Variants in RPRD2 observed in about 807,000 individuals in gnomAD.
RPRD2 encodes regulation of nuclear pre-mRNA domain containing 2.
In RPRD2, 12 loss-of-function variants were observed where a neutral mutation model predicts 104.4. The ratio of observed to expected loss-of-function variants is 0.11; its 90% CI spans 0.07 to 0.19. The LOEUF (loss-of-function observed/expected upper bound fraction) is 0.19. Ranked by LOEUF, RPRD2 falls within the 10% of genes least tolerant of loss-of-function variation. The pLI, the probability that RPRD2 is intolerant of heterozygous loss-of-function variation, is 1.00. For synonymous variants in RPRD2, 714 were observed against 684.9 expected (o/e 1.04, Z -0.66); for missense variants, 1,543 against 1,790.1 (o/e 0.86, Z 2.49).
In RPRD2 at chr1:150,460,095, G is replaced by A. The variant is rs1553898455; in HGVS notation, c.1189G>A (p.Ala397Thr). Reference sequence around the variant, plus strand: ...GAAGGAAAAACCTGCAGAGAAGTCAGCTGTATCCACTTCTGTACCTACAAA... The same window carrying A: ...GAAGGAAAAACCTGCAGAGAAGTCAACTGTATCCACTTCTGTACCTACAAA... Reference protein sequence around the residue: ...DRKEKPAEKSAVSTSVPTKPT... With the variant: ...DRKEKPAEKSTVSTSVPTKPT... The change falls in exon 9 of 11, where the codon GCT (alanine) becomes ACT (threonine). Residue 397 changes from alanine (A) to threonine (T), a missense_variant. Physicochemically the swap from Ala to Thr is moderately conservative, Grantham distance 58. This residue lies in a region of RPRD2 where 572 missense variants were observed against 787.3 expected (regional missense o/e 0.73). Coordinates refer to ENST00000369068, the MANE Select transcript of RPRD2 (RefSeq NM_015203.5). The A allele has an allele frequency of 5.6e-6, 9 of 1,613,798 alleles. No homozygotes were observed. Among genetic ancestry groups the A allele is most frequent in the East Asian group, 4.5e-5 (2 of 44,892 alleles).
At chr1:150,423,659 A>G (rs1553890094) in intron 2 of RPRD2, among the ~76,000 whole-genome samples, 1 of 152,164 alleles carries the variant, frequency 6.6e-6, no homozygotes, top group Non-Finnish European at 1.5e-5. Context: ...GAAATGCAAA[A>G]TGCTCCAAAA....
At chr1:150,387,786 C>T (rs1661701989) in intron 1 of RPRD2, among the ~76,000 whole-genome samples, 1 of 150,722 alleles carries the variant, frequency 6.6e-6, no homozygotes, top group African/African-American at 2.4e-5. Flanking sequence ...GACAGAGATT[C>T]ACCATGTTGG....
intron 10 of RPRD2, among the ~76,000 whole-genome samples, chr1:150,466,485 G>A (rs1269729843): frequency 6.7e-6 from 1 of 150,014 alleles, no homozygotes; most frequent in Non-Finnish European, 1.5e-5. Flanking sequence ...GGAGTTCAAG[G>A]CTGCAGTACG....
chr1:150,386,123 T>TTTTA (rs1479572757), intron 1 of RPRD2, among the ~76,000 whole-genome samples: 1 of 152,284 alleles, frequency 6.6e-6, no homozygotes, highest in South Asian at 2.1e-4. Flanking sequence ...TCTTACCTAT[T>TTTTA]TTTATTTATT....
At chr1:150,373,001 G>A (rs1660429725) in intron 1 of RPRD2, among the ~76,000 whole-genome samples, 2 of 151,816 alleles carry the variant, frequency 1.3e-5, no homozygotes, top group Admixed American at 1.3e-4. Flanking sequence ...TAAGCAAAAG[G>A]AGATGAACTC....
intron 1 of RPRD2, among the ~76,000 whole-genome samples, chr1:150,391,448 T>C (rs919471733): frequency 1.3e-5 from 2 of 152,100 alleles, no homozygotes; most frequent in Admixed American, 1.3e-4. Context: ...GCCACCACAC[T>C]GGCCCATTAA....
intron 1 of RPRD2, among the ~76,000 whole-genome samples, chr1:150,369,749 G>A (rs1660157894): frequency 6.8e-6 from 1 of 146,616 alleles, no homozygotes; most frequent in African/African-American, 2.5e-5. Context: ...GAGCCACTGT[G>A]CCCGGCCTAC....
intron 7 of RPRD2, among the ~76,000 whole-genome samples, chr1:150,450,498 C>A (rs906680899): frequency 2.7e-5 from 4 of 149,512 alleles, no homozygotes; most frequent in African/African-American, 9.8e-5. Flanking sequence ...TCCCACTACT[C>A]CGCAGGCTGA....
At chr1:150,425,608 A>G (rs932383151) in intron 2 of RPRD2, among the ~76,000 whole-genome samples, 1 of 151,664 alleles carries the variant, frequency 6.6e-6, no homozygotes, top group African/African-American at 2.4e-5. Flanking sequence ...GCATCATTGC[A>G]CTCCAGCCTG....
intron 2 of RPRD2, among the ~76,000 whole-genome samples, chr1:150,428,985 A>AT (rs1156454638): frequency 8.0e-5 from 12 of 149,886 alleles, no homozygotes; most frequent in East Asian, 1.9e-4. Flanking sequence ...AGGTCAGCCA[A>AT]TTTTTTTTTT....
At chr1:150,444,228 A>G (rs1666606562) in intron 5 of RPRD2, 23 bp from the exon 6 acceptor site, 3 of 1,598,078 alleles carry the variant, frequency 1.9e-6, no homozygotes, top group Non-Finnish European at 2.6e-6. Flanking sequence ...TGTAAATGAA[A>G]TATGACTCTG....
intron 1 of RPRD2, among the ~76,000 whole-genome samples, chr1:150,378,585 C>G (rs1396454163): frequency 1.3e-5 from 2 of 152,186 alleles, no homozygotes; most frequent in Non-Finnish European, 2.9e-5. Flanking sequence ...ACACACTTCT[C>G]TCCTTTTAAG....
At chr1:150,427,239 G>A (rs782108316) in intron 2 of RPRD2, among the ~76,000 whole-genome samples, 14 of 152,128 alleles carry the variant, frequency 9.2e-5, no homozygotes, top group Non-Finnish European at 1.2e-4. Context: ...TTGGGAGACC[G>A]AGGCGGGTGG....
chr1:150,417,481 C>T, intron 1 of RPRD2, 115 bp from the exon 2 acceptor site: 2 of 743,476 alleles, frequency 2.7e-6, no homozygotes, highest in Non-Finnish European at 3.9e-6. Context: ...TTTTTATATC[C>T]ATGTAAGAAA....
intron 2 of RPRD2, among the ~76,000 whole-genome samples, chr1:150,427,178 AAAAC>A (rs143652730): frequency 0.082 from 12,412 of 151,422 alleles, 659 homozygotes; most frequent in Non-Finnish European, 0.12. Context: ...TTAAAAAAGA[AAAAC>A]AAAGAAAAGG....
At position 150,472,753 on chromosome 1, in the gene RPRD2, A is replaced by G. The variant is rs1396265925; in HGVS notation, c.3805A>G (p.Thr1269Ala). Residue 1269 changes from threonine to alanine, a missense_variant, in exon 11 of 11, where the codon ACC (threonine) becomes GCC (alanine). Thr to Ala is a moderately conservative substitution (Grantham distance 58). Around this residue, in one of 4 missense-constraint regions of RPRD2, gnomAD observed 880 missense variants for 885.6 expected, o/e 0.99. Coordinates refer to ENST00000369068, the MANE Select transcript of RPRD2 (RefSeq NM_015203.5). ...AGAGCACAGTGGAATTCCTTTCCCTACCCCACCTCCTCCTCCCCCTCCTGG... is the reference window on the plus strand; with the variant it reads ...AGAGCACAGTGGAATTCCTTTCCCTGCCCCACCTCCTCCTCCCCCTCCTGG... ...PGEHSGIPFP[T>A]PPPPPPPGEH... is the part of the protein sequence containing the mutation. 1.9e-6 allele frequency: 3 copies of G among 1,611,258 alleles called. No individual in the cohort carries two copies. Among genetic ancestry groups the G allele is most frequent in the African/African-American group, 1.3e-5 (1 of 74,374 alleles).
intron 7 of RPRD2, among the ~76,000 whole-genome samples, chr1:150,448,739 C>T (rs1416519243): frequency 6.6e-6 from 1 of 152,126 alleles, no homozygotes; most frequent in African/African-American, 2.4e-5. Context: ...TTCTGAATTC[C>T]CTTTTCCCCC....
chr1:150,433,526 GCTC>G (rs1665758457), intron 2 of RPRD2, among the ~76,000 whole-genome samples: 1 of 133,832 alleles, frequency 7.5e-6, no homozygotes, highest in African/African-American at 2.8e-5. Context: ...CTCACTGCAA[GCTC>G]CTCCTTCCAG....
At chr1:150,459,964 C>A in intron 8 of RPRD2, 96 bp from the exon 9 acceptor site, 1,536 of 1,050,738 alleles carry the variant, frequency 1.5e-3, no homozygotes, top group East Asian at 3.4e-3. Context: ...AGTGCCTTTT[C>A]CCCCAAGTCC....
Sources: allele counts gnomAD v4.1 joint callset (sites outside exome capture counted in the v4.1 genomes callset), GRCh38; gene constraint gnomAD v4.1.1; regional missense constraint gnomAD v4.1.1; transcripts MANE v1.5; gene names NCBI Gene and HGNC (gene_info 2026-07-23, HGNC 2026-07-21).